Variants in APOH observed in about 807,000 individuals in gnomAD.
The protein encoded by APOH is apolipoprotein H.
In APOH, 48 loss-of-function variants were observed where a neutral mutation model predicts 39.8. The ratio of observed to expected loss-of-function variants is 1.21; its 90% CI spans 0.96 to 1.54. The LOEUF (loss-of-function observed/expected upper bound fraction) is 1.54. Ranked by LOEUF, APOH falls within the 40% of genes most tolerant of loss-of-function variation. APOH has a pLI of 0.00. For missense variants in APOH, 415 were observed against 421.2 expected, an observed-to-expected ratio of 0.99 and a Z score of 0.13; for synonymous variants, 153 against 151.1, an observed-to-expected ratio of 1.01 and a Z score of -0.09.
chr17:66,228,338 C>T (rs761278630), intron 1 of APOH, 142 bp from the exon 2 acceptor site: 6 of 782,588 alleles, frequency 7.7e-6, no homozygotes, highest in South Asian at 1.8e-5. Flanking sequence ...TATACACTAT[C>T]TCATCTAATC....
intron 4 of APOH, among the ~76,000 whole-genome samples, chr17:66,222,851 G>A (rs780061561): frequency 2.6e-5 from 4 of 152,146 alleles, no homozygotes; most frequent in Admixed American, 6.6e-5. Flanking sequence ...CATTACAGGC[G>A]TGAACCACTG....
At chr17:66,225,996 T>G (rs2073436867) in intron 3 of APOH, 32 bp downstream of exon 3, 1 of 1,485,296 alleles carries the variant, frequency 6.7e-7, no homozygotes, top group Middle Eastern at 1.7e-4. Context: ...GTGCTCAGTC[T>G]GTTAACTGCT....
At position 66,229,351 on chromosome 17, in the gene APOH, G is replaced by C. The variant is rs147357246; in HGVS notation, c.29C>G (p.Ser10Trp). 16 of 1,613,684 alleles carry C rather than the reference G, an allele frequency of 9.9e-6. No individual in the cohort carries two copies. Among genetic ancestry groups the C allele is most frequent in the Non-Finnish European group, 1.4e-5 (16 of 1,179,824 alleles). Residue 10 changes from serine (S) to tryptophan (W), a missense_variant, in exon 1 of 8, where the codon TCG becomes TGG. Physicochemically the swap from Ser to Trp is radical, Grantham distance 177. Coordinates refer to ENST00000205948, the MANE Select transcript of APOH (RefSeq NM_000042.3). MISPVLILFSSFLCHVAIAG... is the reference protein window; with the variant it reads MISPVLILFWSFLCHVAIAG... ...AATAGCAACATGGCAGAGAAAACTCGAGAACAAGATGAGCACTGGAGAAAT... is the reference window on the plus strand; with the variant it reads ...AATAGCAACATGGCAGAGAAAACTCCAGAACAAGATGAGCACTGGAGAAAT...
At chr17:66,213,393 T>C (rs1314938728) in intron 7 of APOH, among the ~76,000 whole-genome samples, 2 of 152,238 alleles carry the variant, frequency 1.3e-5, no homozygotes, top group Admixed American at 6.5e-5. Context: ...TTTGCTCTAA[T>C]GGATACTTTT....
chr17:66,217,347 C>G (rs1172987718), intron 5 of APOH, among the ~76,000 whole-genome samples: 1 of 138,972 alleles, frequency 7.2e-6, no homozygotes, highest in Non-Finnish European at 1.6e-5. Context: ...AGACTGAACC[C>G]CCCCCCCCAT....
chr17:66,224,470 T>TAA (rs760150264), intron 3 of APOH, among the ~76,000 whole-genome samples: 3,543 of 42,544 alleles, frequency 0.083, 303 homozygotes, highest in East Asian at 0.39. Flanking sequence ...GAAGATCCTG[T>TAA]AAAAAAAAAA....
At chr17:66,215,440 G>A (rs8178858) in intron 6 of APOH, among the ~76,000 whole-genome samples, 23,742 of 152,182 alleles carry the variant, frequency 0.16, 2,430 homozygotes, top group Middle Eastern at 0.32. Flanking sequence ...GATCCACAGC[G>A]AAGTTTGAGA....
chr17:66,226,628 A>G (rs914427562), intron 2 of APOH, among the ~76,000 whole-genome samples: 40 of 151,910 alleles, frequency 2.6e-4, no homozygotes, highest in African/African-American at 9.2e-4. Flanking sequence ...CTCCAAAAAA[A>G]AAAAAAAAAT....
chr17:66,213,647 T>C (rs1297907087), intron 7 of APOH, among the ~76,000 whole-genome samples: 1 of 152,172 alleles, frequency 6.6e-6, no homozygotes, highest in Non-Finnish European at 1.5e-5. Flanking sequence ...CAGAAAAGAC[T>C]TAGAAAAGAG....
intron 5 of APOH, among the ~76,000 whole-genome samples, chr17:66,219,240 G>A (rs1323799745): frequency 6.6e-6 from 1 of 152,068 alleles, no homozygotes; most frequent in Non-Finnish European, 1.5e-5. Flanking sequence ...ATGAAGTGAT[G>A]ATATAAAATG....
chr17:66,223,792 A>T lies in APOH; in HGVS notation c.339-18T>A. ...GATAAAACCTGCAAAAGGAAAATTCATTCTATCAAGGAGTAAAATAATCCA... is the reference window on the plus strand; with the variant it reads ...GATAAAACCTGCAAAAGGAAAATTCTTTCTATCAAGGAGTAAAATAATCCA... On this transcript the variant is annotated intron_variant, in intron 3 of 7. Transcript: ENST00000205948. The T allele has an allele frequency of 1.9e-6, 3 of 1,610,760 alleles. No individual in the cohort carries two copies. The highest frequency in any genetic ancestry group is 2.5e-6 in the Non-Finnish European group (3 of 1,176,896).
intron 3 of APOH, 144 bp downstream of exon 3, chr17:66,225,884 A>C: frequency 1.8e-6 from 1 of 554,600 alleles, no homozygotes. Flanking sequence ...CTCAAAAAAA[A>C]AAAAAAGCAG....
At chr17:66,215,207 G>A (rs754976176) in intron 6 of APOH, among the ~76,000 whole-genome samples, 1 of 152,200 alleles carries the variant, frequency 6.6e-6, no homozygotes, top group Non-Finnish European at 1.5e-5. Flanking sequence ...CTCTTAGTGG[G>A]ATTAACTCAA....
chr17:66,218,050 G>C (rs2073376029), intron 5 of APOH, among the ~76,000 whole-genome samples: 1 of 152,098 alleles, frequency 6.6e-6, no homozygotes, highest in Admixed American at 6.5e-5. Flanking sequence ...AGAAGGAAAA[G>C]ATAGAATTAG....
At chr17:66,227,984 T>A (rs754431077) in intron 2 of APOH, 36 bp downstream of exon 2, 5 of 1,587,382 alleles carry the variant, frequency 3.1e-6, no homozygotes, top group South Asian at 1.1e-5. Context: ...AGAATCCAAA[T>A]GAGGGAAGAG....
intron 3 of APOH, among the ~76,000 whole-genome samples, chr17:66,225,270 T>C (rs897714932): frequency 2.6e-5 from 4 of 151,928 alleles, no homozygotes; most frequent in Non-Finnish European, 5.9e-5. Flanking sequence ...GTCACAGGGG[T>C]GCCTTTGCTC....
At chr17:66,225,136 A>G (rs956970493) in intron 3 of APOH, among the ~76,000 whole-genome samples, 2 of 152,280 alleles carry the variant, frequency 1.3e-5, no homozygotes, top group Non-Finnish European at 2.9e-5. Flanking sequence ...ATTTGTTACC[A>G]GACCCATTGG....
chr17:66,223,783 G>C lies in APOH; in HGVS notation c.339-9C>G, dbSNP rs771846482. On this transcript the variant is annotated splice_polypyrimidine_tract_variant and intron_variant, in intron 3 of 7. Coordinates refer to ENST00000205948, the MANE Select transcript of APOH (RefSeq NM_000042.3). ...CGCCATTCAGATAAAACCTGCAAAA[G>C]GAAAATTCATTCTATCAAGGAGTAA... The C allele has an allele frequency of 6.2e-7, 1 of 1,613,324 alleles. No homozygotes were observed. The highest frequency in any genetic ancestry group is 8.5e-7 in the Non-Finnish European group (1 of 1,179,356).
At chr17:66,224,251 G>A (rs111790351) in intron 3 of APOH, among the ~76,000 whole-genome samples, 1,668 of 152,012 alleles carry the variant, frequency 0.011, 33 homozygotes, top group African/African-American at 0.038. Flanking sequence ...CGAGATGGGC[G>A]GATCACTTGA....
Sources: gnomAD v4.1 joint callset for allele counts (sites outside exome capture counted in the v4.1 genomes callset) on GRCh38, gnomAD v4.1.1 for gene constraint, MANE v1.5 for transcripts, NCBI Gene and HGNC (gene_info 2026-07-23, HGNC 2026-07-21) for gene names.